DGKB: variants seen among roughly 807,000 people sequenced by gnomAD.
DGKB encodes 90 kDa diacylglycerol kinase.
A neutral mutation model predicts 114.3 loss-of-function variants in DGKB; 67 were observed. That is an observed-to-expected ratio of 0.59 (90% CI 0.48 to 0.72). The LOEUF is 0.72. DGKB is among the 30% of genes least tolerant of loss of function. The probability of loss-of-function intolerance (pLI) is 0.00; values close to 1 mark genes in which losing one functional copy is unlikely to be tolerated. For missense variants in DGKB, 907 were observed against 975.2 expected, an observed-to-expected ratio of 0.93 and a Z score of 0.93; for synonymous variants, 398 against 323.1, an observed-to-expected ratio of 1.23 and a Z score of -2.49.
chr7:14,400,839 G>GGAGA (rs1293901490), intron 21 of DGKB, among the ~76,000 whole-genome samples: 1 of 151,680 alleles, frequency 6.6e-6, no homozygotes, highest in East Asian at 1.9e-4. Flanking sequence ...ATGCCAAGAG[G>GGAGA]GAGAGACCTC....
At position 14,574,335 on chromosome 7, in the gene DGKB, G is replaced by A. The variant is rs772868840; in HGVS notation, c.1647C>T (p.Asp549=). ...ACATGATTTCTGTGCTGTTTTCAAT[G>A]TCTTTTAGAATTTTCATCAGATTCT... The part of the protein sequence containing the change: ...EGENLMKILK[D]IENSTEIMLD... Residue 549 remains aspartate (D), a synonymous_variant, in exon 20 of 26, where the codon GAC becomes GAT. Coordinates refer to ENST00000402815, the MANE Select transcript of DGKB (RefSeq NM_001350709.2). 39 of 1,612,600 alleles carry A rather than the reference G, an allele frequency of 2.4e-5. No homozygotes were observed. Among genetic ancestry groups the A allele is most frequent in the Admixed American group, 5.0e-5 (3 of 59,916 alleles).
intron 21 of DGKB, among the ~76,000 whole-genome samples, chr7:14,413,602 G>A (rs566120135): frequency 2.0e-5 from 3 of 152,084 alleles, no homozygotes; most frequent in South Asian, 2.1e-4. Flanking sequence ...AGCCTGAAGC[G>A]GGATAGAGTA....
At chr7:14,394,119 C>T (rs1821867900) in intron 21 of DGKB, among the ~76,000 whole-genome samples, 1 of 152,168 alleles carries the variant, frequency 6.6e-6, no homozygotes, top group Non-Finnish European at 1.5e-5. Context: ...TCATTTAGCT[C>T]CTTTCCAAGG....
chr7:14,771,586 G>C (rs1837419045), intron 2 of DGKB, among the ~76,000 whole-genome samples: 1 of 151,958 alleles, frequency 6.6e-6, no homozygotes, highest in Admixed American at 6.6e-5. Context: ...AGGGAATTGG[G>C]CCTTACAAAT....
upstream of DGKB, among the ~76,000 whole-genome samples, chr7:14,906,215 TA>T (rs1001959186): frequency 1.0e-4 from 15 of 146,766 alleles, no homozygotes; most frequent in African/African-American, 2.2e-4. Flanking sequence ...ACTAGAGCCT[TA>T]AAAAAAAAAC....
chr7:14,465,657 G>C (rs1340503583), intron 21 of DGKB, among the ~76,000 whole-genome samples: 1 of 152,138 alleles, frequency 6.6e-6, no homozygotes, highest in Admixed American at 6.5e-5. Flanking sequence ...TTGGGGCATG[G>C]AGAGAGGAGA....
intron 23 of DGKB, among the ~76,000 whole-genome samples, chr7:14,219,400 G>T (rs1207657915): frequency 6.6e-6 from 1 of 151,754 alleles, no homozygotes; most frequent in Admixed American, 6.6e-5. Context: ...AGGGTATAAG[G>T]GTTATGATTT....
intron 13 of DGKB, among the ~76,000 whole-genome samples, chr7:14,651,196 A>C (rs963869631): frequency 3.9e-5 from 6 of 152,212 alleles, no homozygotes; most frequent in African/African-American, 1.4e-4. Flanking sequence ...CACAACAAAA[A>C]AAGAGAATTT....
intron 17 of DGKB, among the ~76,000 whole-genome samples, chr7:14,595,814 T>C (rs1316396613): frequency 6.6e-6 from 1 of 150,626 alleles, no homozygotes; most frequent in Admixed American, 6.6e-5. Context: ...TCTAGAATGA[T>C]TTATTAAGAT....
chr7:14,311,298 T>G (rs1362125396), intron 23 of DGKB, among the ~76,000 whole-genome samples: 2 of 152,214 alleles, frequency 1.3e-5, no homozygotes, highest in East Asian at 3.8e-4. Context: ...AGATGGTGTT[T>G]TCCAAGATCT....
intron 6 of DGKB, among the ~76,000 whole-genome samples, chr7:14,703,763 A>C (rs1207188371): frequency 6.6e-6 from 1 of 152,136 alleles, no homozygotes; most frequent in Non-Finnish European, 1.5e-5. Flanking sequence ...AGCCTCTAGA[A>C]TTTGTTCTCT....
At chr7:14,758,284 A>G (rs1835179549) in intron 2 of DGKB, among the ~76,000 whole-genome samples, 1 of 152,070 alleles carries the variant, frequency 6.6e-6, no homozygotes, top group Non-Finnish European at 1.5e-5. Context: ...TTATTTTTAA[A>G]CCTTTCATCT....
chr7:14,473,600 C>T (rs910460020), intron 21 of DGKB, among the ~76,000 whole-genome samples: 10 of 152,088 alleles, frequency 6.6e-5, no homozygotes, highest in African/African-American at 9.7e-5. Context: ...ATAGATCCAC[C>T]GACAGCTTGC....
chr7:14,942,702 C>A (rs1785632310), intron 1 of DGKB, among the ~76,000 whole-genome samples: 1 of 151,912 alleles, frequency 6.6e-6, no homozygotes, highest in Non-Finnish European at 1.5e-5. Context: ...TTGACTTTTC[C>A]ACTTTGTCTT....
At chr7:14,815,152 CCATCTTT>C (rs1359655273) in intron 2 of DGKB, 2 of 152,156 alleles carry the variant, frequency 1.3e-5, no homozygotes, top group African/African-American at 2.4e-5. Context: ...CTCCTTGTTT[CCATCTTT>C]ATAGTGGCTG....
At chr7:14,243,293 T>C (rs943114897) in intron 23 of DGKB, among the ~76,000 whole-genome samples, 5 of 152,162 alleles carry the variant, frequency 3.3e-5, no homozygotes, top group Non-Finnish European at 7.3e-5. Context: ...CAGTGGTGAC[T>C]CTGGAGTCTA....
At chr7:14,431,041 G>T (rs1204501773) in intron 21 of DGKB, among the ~76,000 whole-genome samples, 1 of 151,962 alleles carries the variant, frequency 6.6e-6, no homozygotes, top group African/African-American at 2.4e-5. Context: ...TCTTTCAGGC[G>T]ATGTGACTTT....
At chr7:14,312,709 A>G (rs1759474379) in intron 23 of DGKB, among the ~76,000 whole-genome samples, 1 of 152,204 alleles carries the variant, frequency 6.6e-6, no homozygotes, top group South Asian at 2.1e-4. Context: ...TGGTAAAATT[A>G]TGGTTATTCA....
At chr7:14,768,068 C>A (rs551657123) in intron 2 of DGKB, among the ~76,000 whole-genome samples, 12 of 152,084 alleles carry the variant, frequency 7.9e-5, no homozygotes, top group Non-Finnish European at 1.8e-4. Context: ...AAACCAAAGT[C>A]TATTTATCCT....
Sources: allele counts gnomAD v4.1 joint callset (sites outside exome capture counted in the v4.1 genomes callset), GRCh38; gene constraint gnomAD v4.1.1; transcripts MANE v1.5; gene names NCBI Gene and HGNC (gene_info 2026-07-23, HGNC 2026-07-21).